The following KCNH7 variants were observed in gnomAD, a reference collection of about 807,000 sequenced individuals.
KCNH7 encodes the protein potassium voltage-gated channel subfamily H member 7.
In KCNH7, 49 loss-of-function variants were observed where a neutral mutation model predicts 120.8. The observed-to-expected ratio is 0.41, with a 90% CI of 0.32 to 0.51. The LOEUF (loss-of-function observed/expected upper bound fraction) is 0.51. Among genes scored for constraint, KCNH7 ranks in the 20% least tolerant of loss-of-function variants. The probability of loss-of-function intolerance (pLI) is 0.38; values close to 1 mark genes in which losing one functional copy is unlikely to be tolerated. For synonymous variants in KCNH7, 547 were observed against 516.1 expected, an observed-to-expected ratio of 1.06 and a Z score of -0.81; for missense variants, 1,097 against 1,446.6, an observed-to-expected ratio of 0.76 and a Z score of 3.92.
intron 6 of KCNH7, among the ~76,000 whole-genome samples, chr2:162,465,865 T>C (rs1372327587): frequency 2.0e-5 from 3 of 152,208 alleles, no homozygotes; most frequent in Non-Finnish European, 4.4e-5. Context: ...TCCCAGATGA[T>C]AGACTGCCCA....
intron 12 of KCNH7, 119 bp from the exon 13 acceptor site, chr2:162,385,058 G>A: frequency 1.4e-6 from 1 of 692,744 alleles, no homozygotes; most frequent in South Asian, 2.5e-5. Flanking sequence ...TGAAAATGTA[G>A]CTACTTGGGT....
chr2:162,819,614 T>G (rs1685034145), intron 2 of KCNH7, among the ~76,000 whole-genome samples: 1 of 152,238 alleles, frequency 6.6e-6, no homozygotes, highest in Non-Finnish European at 1.5e-5. Flanking sequence ...AGAACCATGC[T>G]AATCTGGTTG....
intron 13 of KCNH7, among the ~76,000 whole-genome samples, chr2:162,382,087 G>A (rs1379657249): frequency 6.6e-6 from 1 of 152,008 alleles, no homozygotes; most frequent in African/African-American, 2.4e-5. Context: ...TGCCAAGAAA[G>A]CTTACAGAAT....
At chr2:162,535,504 G>A (rs1408437013) in intron 3 of KCNH7, among the ~76,000 whole-genome samples, 1 of 151,618 alleles carries the variant, frequency 6.6e-6, no homozygotes, top group Non-Finnish European at 1.5e-5. Flanking sequence ...AAGTAAACAA[G>A]TGAGGAAAAT....
intron 4 of KCNH7, among the ~76,000 whole-genome samples, chr2:162,515,684 T>A (rs1189377835): frequency 6.6e-6 from 1 of 151,758 alleles, no homozygotes; most frequent in African/African-American, 2.4e-5. Flanking sequence ...AAAGATCAAA[T>A]TCTAGCGGTT....
intron 2 of KCNH7, among the ~76,000 whole-genome samples, chr2:162,763,772 T>TGTGTGTG (rs1559121853): frequency 7.0e-6 from 1 of 143,634 alleles, no homozygotes; most frequent in African/African-American, 2.6e-5. Flanking sequence ...TGTGTGTGTG[T>TGTGTGTG]TTTGCTTTTG....
intron 2 of KCNH7, among the ~76,000 whole-genome samples, chr2:162,728,215 A>T (rs1180559693): frequency 6.6e-6 from 1 of 150,710 alleles, no homozygotes; most frequent in African/African-American, 2.4e-5. Context: ...GTAGTGGTTT[A>T]TCACTGTGAT....
At chr2:162,511,527 T>A (rs1691073793) in intron 5 of KCNH7, among the ~76,000 whole-genome samples, 1 of 145,248 alleles carries the variant, frequency 6.9e-6, no homozygotes, top group Non-Finnish European at 1.5e-5. Flanking sequence ...TGAAATCCCA[T>A]CCCACTATTG....
chr2:162,548,389 G>T (rs537700730), intron 2 of KCNH7, among the ~76,000 whole-genome samples: 2 of 152,198 alleles, frequency 1.3e-5, no homozygotes, highest in African/African-American at 4.8e-5. Context: ...TCTTCCAAAG[G>T]TGGTTGCAGG....
intron 2 of KCNH7, among the ~76,000 whole-genome samples, chr2:162,745,284 T>A (rs2060448): frequency 0.24 from 36,854 of 152,060 alleles, 6,816 homozygotes; most frequent in African/African-American, 0.5. Flanking sequence ...TTAAGCTTCA[T>A]TTACCTTAAA....
At chr2:162,376,368 G>T (rs200485266) in intron 14 of KCNH7, among the ~76,000 whole-genome samples, 6,602 of 135,538 alleles carry the variant, frequency 0.049, 382 homozygotes, top group Admixed American at 0.16. Flanking sequence ...AGTGTGGTTT[G>T]TTTTTTTTTT....
At chr2:162,620,165 G>T (rs59032097) in intron 2 of KCNH7, among the ~76,000 whole-genome samples, 60,785 of 149,304 alleles carry the variant, frequency 0.41, 12,497 homozygotes, top group South Asian at 0.49. Context: ...TATATATAGA[G>T]AGAGAGATAG....
At chr2:162,829,200 T>C (rs1685389194) in intron 2 of KCNH7, among the ~76,000 whole-genome samples, 1 of 152,186 alleles carries the variant, frequency 6.6e-6, no homozygotes, top group Non-Finnish European at 1.5e-5. Context: ...TATAGCTACC[T>C]GACTCTGTTG....
At chr2:162,608,926 C>T (rs1192970709) in intron 2 of KCNH7, among the ~76,000 whole-genome samples, 7 of 152,116 alleles carry the variant, frequency 4.6e-5, no homozygotes, top group Admixed American at 4.6e-4. Flanking sequence ...TGCTGTTTCA[C>T]CAACTTCTGG....
chr2:162,752,931 A>C (rs547872943), intron 2 of KCNH7, among the ~76,000 whole-genome samples: 2 of 86,378 alleles, frequency 2.3e-5, no homozygotes, highest in Non-Finnish European at 4.0e-5. Flanking sequence ...AAGAAAAGAA[A>C]AGAAAAGAAA....
At chr2:162,526,230 A>G (rs1691700222) in intron 3 of KCNH7, among the ~76,000 whole-genome samples, 1 of 151,928 alleles carries the variant, frequency 6.6e-6, no homozygotes, top group Non-Finnish European at 1.5e-5. Flanking sequence ...TTCACAAGGT[A>G]ATAAGATATC....
Position 162,635,814 on chromosome 2 carries a change from A to T in KCNH7, c.308-98734T>A, listed in dbSNP as rs529965553. ...TTTTAACTTATGAGAAGCTGCTGAA[A>T]ACCCTGTTGTTTTCTCACACAAGAA... is the stretch of plus-strand genomic sequence containing the variant. On this transcript the variant is annotated intron_variant, in intron 2 of 15. Coordinates refer to ENST00000332142, the MANE Select transcript of KCNH7 (RefSeq NM_033272.4). Among the ~76,000 whole-genome samples, 13 of 152,128 alleles carry T rather than the reference A, an allele frequency of 8.5e-5. No homozygotes were observed. In the South Asian group the frequency reaches 2.7e-3, roughly 32 times the overall value.
intron 2 of KCNH7, among the ~76,000 whole-genome samples, chr2:162,663,106 CTAG>C (rs911154933): frequency 6.6e-6 from 1 of 152,086 alleles, no homozygotes; most frequent in Non-Finnish European, 1.5e-5. Flanking sequence ...CGTGGTAAAC[CTAG>C]TTGTTATTAA....
chr2:162,681,750 G>A (rs1441403272), intron 2 of KCNH7, among the ~76,000 whole-genome samples: 1 of 151,116 alleles, frequency 6.6e-6, no homozygotes, highest in East Asian at 2.0e-4. Flanking sequence ...GCAACTAGTT[G>A]TAAGTGTATA....
Sources: allele counts gnomAD v4.1 joint callset (sites outside exome capture counted in the v4.1 genomes callset), GRCh38; gene constraint gnomAD v4.1.1; transcripts MANE v1.5; gene names NCBI Gene and HGNC (gene_info 2026-07-23, HGNC 2026-07-21).